Variants in DNAAF11 observed in about 807,000 individuals in gnomAD.
The protein encoded by DNAAF11 is dynein axonemal assembly factor 11.
Under a neutral mutation model 60.8 loss-of-function variants are expected in DNAAF11, and 45 were observed. That is an observed-to-expected ratio of 0.74 (90% CI 0.58 to 0.95). The LOEUF (loss-of-function observed/expected upper bound fraction) is 0.95, where lower values mean the gene tolerates loss of function less well. Ranked by LOEUF, DNAAF11 falls within the 40% of genes least tolerant of loss-of-function variation. The pLI, the probability that DNAAF11 is intolerant of heterozygous loss-of-function variation, is 0.00. For synonymous variants in DNAAF11, 191 were observed against 183.5 expected (o/e 1.04, Z -0.33); for missense variants, 546 against 546.2 (o/e 1.00, Z 0.00).
chr8:132,664,094 T>G (rs999884522), intron 1 of DNAAF11, among the ~76,000 whole-genome samples: 1 of 152,252 alleles, frequency 6.6e-6, no homozygotes, highest in Non-Finnish European at 1.5e-5. Context: ...AAGACATATT[T>G]TATTTAGCAG....
chr8:132,663,978 T>C (rs900534221), intron 1 of DNAAF11, among the ~76,000 whole-genome samples: 4 of 151,746 alleles, frequency 2.6e-5, no homozygotes, highest in Non-Finnish European at 5.9e-5. Flanking sequence ...AAGGGAAGAG[T>C]GGGCCAGAGG....
chr8:132,652,723 T>A (rs1362792713), intron 3 of DNAAF11, among the ~76,000 whole-genome samples: 4 of 151,902 alleles, frequency 2.6e-5, no homozygotes, highest in Non-Finnish European at 5.9e-5. Context: ...TTCTCACTCA[T>A]AAGTGGGAAT....
chr8:132,613,870 C>G (rs980035765), intron 8 of DNAAF11, among the ~76,000 whole-genome samples: 3 of 152,116 alleles, frequency 2.0e-5, no homozygotes, highest in Non-Finnish European at 4.4e-5. Flanking sequence ...ACATCAAAAG[C>G]CATTAAAAAG....
chr8:132,630,463 AAGATACAAAC>A (rs71299027), intron 5 of DNAAF11, among the ~76,000 whole-genome samples: 9,035 of 152,238 alleles, frequency 0.059, 361 homozygotes, highest in Non-Finnish European at 0.082. Flanking sequence ...TCCAGATGAA[AAGATACAAAC>A]AGATATGGCA....
chr8:132,701,407 G>C, the DNAAF11 span, among the ~76,000 whole-genome samples: 1 of 152,162 alleles, frequency 6.6e-6, no homozygotes, highest in African/African-American at 2.4e-5. Context: ...ATGGACACTG[G>C]ACTTAGACCA....
chr8:132,652,738 C>T (rs990184028), intron 3 of DNAAF11, among the ~76,000 whole-genome samples: 1 of 151,908 alleles, frequency 6.6e-6, no homozygotes, highest in Admixed American at 6.6e-5. Flanking sequence ...GGGAATTGAA[C>T]AATAAGAACA....
chr8:132,679,008 G>A (rs1201444309), upstream of DNAAF11, among the ~76,000 whole-genome samples: 2 of 152,012 alleles, frequency 1.3e-5, no homozygotes, highest in Non-Finnish European at 2.9e-5. Context: ...AGCACTGTGC[G>A]CTCAACACTG....
intron 1 of DNAAF11, among the ~76,000 whole-genome samples, chr8:132,674,457 A>G (rs1261572316): frequency 1.3e-5 from 2 of 152,224 alleles, no homozygotes; most frequent in African/African-American, 4.8e-5. Context: ...CATTTTTACA[A>G]TGATAAGTGA....
Position 132,632,724 on chromosome 8 carries a change from C to G in DNAAF11, c.653+16G>C, listed in dbSNP as rs769288375. ...TAACAAAAGTTAACTAGAAAGTAAACTAATAATTTACATACAGAGTAGCAT... is the reference window on the plus strand; with the variant it reads ...TAACAAAAGTTAACTAGAAAGTAAAGTAATAATTTACATACAGAGTAGCAT... On this transcript the variant is annotated intron_variant, in intron 5 of 11. Coordinates refer to ENST00000620350, the MANE Select transcript of DNAAF11 (RefSeq NM_012472.6). 1 of 1,566,958 alleles carries G rather than the reference C, an allele frequency of 6.4e-7. No individual in the cohort carries two copies. Among genetic ancestry groups the G allele is most frequent in the South Asian group, 1.1e-5 (1 of 89,748 alleles).
intron 4 of DNAAF11, among the ~76,000 whole-genome samples, chr8:132,635,575 T>C (rs1391522757): frequency 1.3e-5 from 2 of 152,188 alleles, no homozygotes; most frequent in Non-Finnish European, 2.9e-5. Context: ...ACACCTCTTC[T>C]ATGTGACTAT....
chr8:132,680,767 T>C, the DNAAF11 span, among the ~76,000 whole-genome samples: 1 of 151,592 alleles, frequency 6.6e-6, no homozygotes, highest in Non-Finnish European at 1.5e-5. Flanking sequence ...TCTCCTTGGT[T>C]CATTTCTTCC....
chr8:132,608,569 A>G (rs2129914190), intron 10 of DNAAF11: 1 of 417,080 alleles, frequency 2.4e-6, no homozygotes, highest in East Asian at 7.1e-5. Context: ...AAAGATACAC[A>G]AATCATCTGT....
chr8:132,630,875 T>C (rs1447864961), intron 5 of DNAAF11, among the ~76,000 whole-genome samples: 1 of 152,208 alleles, frequency 6.6e-6, no homozygotes, highest in African/African-American at 2.4e-5. Context: ...TATTTTTAAA[T>C]ATCATATTAT....
chr8:132,640,751 AT>A, intron 3 of DNAAF11, among the ~76,000 whole-genome samples: 1 of 152,296 alleles, frequency 6.6e-6, no homozygotes, highest in African/African-American at 2.4e-5. Context: ...AACAAAATAC[AT>A]TAATAATCTC....
At chr8:132,584,881 G>C (rs964526141) in intron 10 of DNAAF11, among the ~76,000 whole-genome samples, 1 of 152,112 alleles carries the variant, frequency 6.6e-6, no homozygotes, top group Non-Finnish European at 1.5e-5. Context: ...CCCATCTACT[G>C]GCTCAGGCAT....
intron 5 of DNAAF11, 115 bp from the exon 6 acceptor site, chr8:132,625,569 G>T: frequency 2.6e-6 from 2 of 776,286 alleles, no homozygotes; most frequent in Non-Finnish European, 4.0e-6. Context: ...ACCTTTGAAT[G>T]ACAAAGTGAC....
intron 5 of DNAAF11, among the ~76,000 whole-genome samples, chr8:132,626,057 C>T (rs200254899): frequency 6.8e-6 from 1 of 148,044 alleles, no homozygotes; most frequent in Admixed American, 6.7e-5. Flanking sequence ...TCTTTTTTTT[C>T]TTTTTTTTTT....
At chr8:132,648,309 G>A (rs540006460) in intron 3 of DNAAF11, among the ~76,000 whole-genome samples, 26 of 152,138 alleles carry the variant, frequency 1.7e-4, no homozygotes, top group African/African-American at 6.0e-4. Flanking sequence ...AAATTCAACA[G>A]CCCTTCATGC....
rs2130920922 is a variant in DNAAF11, at chr8:132,571,268, C to T, written c.*1038G>A. On this transcript the variant is annotated 3_prime_UTR_variant, in exon 12 of 12. Coordinates refer to ENST00000620350, the MANE Select transcript of DNAAF11 (RefSeq NM_012472.6). ...TTTGTCTGCTTTGTTACTACTAAATCCCTGATGAACAGAGAGGGGGCTAGC... is the reference window on the plus strand; with the variant it reads ...TTTGTCTGCTTTGTTACTACTAAATTCCTGATGAACAGAGAGGGGGCTAGC... 6.6e-6 allele frequency among the ~76,000 whole-genome samples: 1 copy of T among 152,260 alleles called. No individual in the cohort carries two copies. The highest frequency in any genetic ancestry group is 1.9e-4 in the East Asian group (1 of 5,182).
Sources: gnomAD v4.1 joint callset for allele counts (sites outside exome capture counted in the v4.1 genomes callset) on GRCh38, gnomAD v4.1.1 for gene constraint, MANE v1.5 for transcripts, NCBI Gene and HGNC (gene_info 2026-07-23, HGNC 2026-07-21) for gene names.